The following GRID2 variants were observed in gnomAD, a reference collection of about 807,000 sequenced individuals.
The protein encoded by GRID2 is glutamate receptor ionotropic, delta-2.
A neutral mutation model predicts 114.8 loss-of-function variants in GRID2; 33 were observed. That is an observed-to-expected ratio of 0.29 (90% CI 0.22 to 0.38). The LOEUF is 0.38. GRID2 is among the 10% of genes least tolerant of loss of function. The pLI is 1.00. For synonymous variants in GRID2, 505 were observed against 449.9 expected (o/e 1.12, Z -1.55); for missense variants, 1,184 against 1,257.7 (o/e 0.94, Z 0.89).
intron 1 of GRID2, among the ~76,000 whole-genome samples, chr4:92,322,012 C>G (rs117323455): frequency 6.6e-6 from 1 of 152,168 alleles, no homozygotes; most frequent in East Asian, 1.9e-4. Flanking sequence ...GTTCATATTT[C>G]AGGAAATTGA....
At chr4:93,453,898 C>G (rs953532753) in intron 10 of GRID2, among the ~76,000 whole-genome samples, 1 of 151,872 alleles carries the variant, frequency 6.6e-6, no homozygotes, top group African/African-American at 2.4e-5. Context: ...GTTATTTATT[C>G]ATCATTAAAA....
intron 8 of GRID2, among the ~76,000 whole-genome samples, chr4:93,385,069 C>T (rs1764194174): frequency 6.6e-6 from 1 of 152,118 alleles, no homozygotes; most frequent in African/African-American, 2.4e-5. Flanking sequence ...GATAAAAATA[C>T]TCAGAGGCAT....
intron 1 of GRID2, among the ~76,000 whole-genome samples, chr4:92,499,283 C>T (rs1723554792): frequency 6.6e-6 from 1 of 151,946 alleles, no homozygotes; most frequent in Non-Finnish European, 1.5e-5. Context: ...TATATCCTGC[C>T]CTACCAAAAC....
At chr4:93,017,829 A>G (rs1578762509) in intron 2 of GRID2, among the ~76,000 whole-genome samples, 1 of 150,602 alleles carries the variant, frequency 6.6e-6, no homozygotes, top group South Asian at 2.1e-4. Context: ...AAAAGAAAAG[A>G]AAAGAAAAAA....
At chr4:92,446,811 G>C (rs1170584503) in intron 1 of GRID2, among the ~76,000 whole-genome samples, 1 of 152,192 alleles carries the variant, frequency 6.6e-6, no homozygotes, top group African/African-American at 2.4e-5. Flanking sequence ...AGAATATCAT[G>C]CAAAGAATAT....
intron 2 of GRID2, among the ~76,000 whole-genome samples, chr4:93,074,997 G>A (rs1031861916): frequency 3.3e-5 from 5 of 152,032 alleles, no homozygotes; most frequent in African/African-American, 4.8e-5. Context: ...CTGAAACTCC[G>A]GGCCCAGAAA....
chr4:92,391,318 G>A (rs1177539593), intron 1 of GRID2, among the ~76,000 whole-genome samples: 1 of 151,982 alleles, frequency 6.6e-6, no homozygotes, highest in Non-Finnish European at 1.5e-5. Flanking sequence ...CAATTGATAC[G>A]ACTTCATGGT....
At chr4:92,990,287 G>GTA (rs33925215) in intron 2 of GRID2, among the ~76,000 whole-genome samples, 43,463 of 126,658 alleles carry the variant, frequency 0.34, 8,747 homozygotes, top group Non-Finnish European at 0.43. Context: ...ATATGTGTGT[G>GTA]TATATATATA....
rs746805538 is a variant in GRID2 at position 93,769,434 on chromosome 4, G to A, written c.2585G>A (p.Arg862Gln). 4.3e-5 allele frequency: 70 copies of A among 1,613,712 alleles called. No homozygotes were observed. Among genetic ancestry groups the A allele is most frequent in the Admixed American group, 1.2e-4 (7 of 59,978 alleles). ...TGGTGGAACAAGAGGAAAGGCTCCC[G>A]GGTTCCATCAAAAGAGGTACTTGAT... The part of the protein sequence containing the change: ...ETWWNKRKGS[R>Q]VPSKEDDKEI... Residue 862 changes from arginine (R) to glutamine (Q), a missense_variant, in exon 15 of 16, where the codon CGG (arginine) becomes CAG (glutamine). Arg to Gln is a conservative substitution (Grantham distance 43). Coordinates refer to ENST00000282020, the MANE Select transcript of GRID2 (RefSeq NM_001510.4).
intron 4 of GRID2, among the ~76,000 whole-genome samples, chr4:93,148,634 T>C (rs996975751): frequency 2.6e-5 from 4 of 152,176 alleles, no homozygotes; most frequent in Non-Finnish European, 5.9e-5. Flanking sequence ...GGTATTAGTT[T>C]AAATATGTTT....
At chr4:92,766,252 C>T (rs1273137432) in intron 2 of GRID2, among the ~76,000 whole-genome samples, 1 of 152,094 alleles carries the variant, frequency 6.6e-6, no homozygotes, top group African/African-American at 2.4e-5. Context: ...TAAGAAGACA[C>T]TTTTAGCTGG....
intron 2 of GRID2, among the ~76,000 whole-genome samples, chr4:93,060,900 C>G (rs1288959501): frequency 6.6e-6 from 1 of 151,958 alleles, no homozygotes; most frequent in Non-Finnish European, 1.5e-5. Flanking sequence ...GTCAGGAGTT[C>G]GAGACCAGAC....
At chr4:93,757,934 G>A (rs1441265661) in intron 14 of GRID2, among the ~76,000 whole-genome samples, 1 of 152,148 alleles carries the variant, frequency 6.6e-6, no homozygotes, top group Non-Finnish European at 1.5e-5. Context: ...TCTAGCCTGG[G>A]AAACAGGGCG....
chr4:92,319,906 T>A (rs1726218177), intron 1 of GRID2, among the ~76,000 whole-genome samples: 1 of 152,194 alleles, frequency 6.6e-6, no homozygotes, highest in Non-Finnish European at 1.5e-5. Flanking sequence ...AGTCATTATG[T>A]CTGTAAATAT....
chr4:93,229,075 TCA>T (rs1364094964), intron 7 of GRID2, among the ~76,000 whole-genome samples: 2 of 152,134 alleles, frequency 1.3e-5, no homozygotes, highest in African/African-American at 4.8e-5. Flanking sequence ...GTCAAGAAAC[TCA>T]GTTTGAATAA....
chr4:92,848,479 A>G (rs925456683), intron 2 of GRID2, among the ~76,000 whole-genome samples: 2 of 151,878 alleles, frequency 1.3e-5, no homozygotes, highest in African/African-American at 4.8e-5. Flanking sequence ...CTATGGGGTG[A>G]GAGAAATGGA....
intron 4 of GRID2, among the ~76,000 whole-genome samples, chr4:93,164,156 G>T (rs926969156): frequency 2.0e-5 from 3 of 151,448 alleles, no homozygotes; most frequent in Non-Finnish European, 2.9e-5. Flanking sequence ...CAAGCCCGGG[G>T]GGGGAAAAAA....
At chr4:93,611,375 CTTGCTTTTCTAG>C in intron 13 of GRID2, among the ~76,000 whole-genome samples, 1 of 87,800 alleles carries the variant, frequency 1.1e-5, no homozygotes, top group South Asian at 4.7e-4. Flanking sequence ...TGTGTTTGCT[CTTGCTTTTCTAG>C]TTCTTTTAAT....
intron 2 of GRID2, among the ~76,000 whole-genome samples, chr4:93,001,720 A>T (rs17328778): frequency 0.41 from 62,278 of 151,420 alleles, 13,119 homozygotes; most frequent in Middle Eastern, 0.55. Context: ...AGAATCTGCC[A>T]TTATCAGCTG....
Sources: allele counts gnomAD v4.1 joint callset (sites outside exome capture counted in the v4.1 genomes callset), GRCh38; gene constraint gnomAD v4.1.1; transcripts MANE v1.5; gene names NCBI Gene and HGNC (gene_info 2026-07-23, HGNC 2026-07-21).